The following UTP6 variants were observed in gnomAD, a reference collection of about 807,000 sequenced individuals.
UTP6 encodes U3 small nucleolar RNA-associated protein 6 homolog.
Under a neutral mutation model 96.5 loss-of-function variants are expected in UTP6, and 60 were observed. The observed-to-expected ratio is 0.62, with a 90% CI of 0.51 to 0.77. The LOEUF is 0.77. UTP6 is among the 30% of genes least tolerant of loss of function. The pLI, the probability that UTP6 is intolerant of heterozygous loss-of-function variation, is 0.00. For missense variants in UTP6, 637 were observed against 706.5 expected, an observed-to-expected ratio of 0.90 and a Z score of 1.12; for synonymous variants, 215 against 240.1, an observed-to-expected ratio of 0.90 and a Z score of 0.96.
chr17:31,872,832 C>CAAAATTACAACATGATGAAAT (rs747475389), intron 16 of UTP6, among the ~76,000 whole-genome samples: 2,459 of 151,680 alleles, frequency 0.016, 25 homozygotes, highest in Non-Finnish European at 0.024. Context: ...GAAACCGTCT[C>CAAAATTACAACATGATGAAAT]TACTAAATTA....
rs543378713 is a variant in UTP6 at position 31,890,012 on chromosome 17, C to G, written c.425-609G>C. Among the ~76,000 whole-genome samples, 286 of 152,114 alleles carry G rather than the reference C, an allele frequency of 1.9e-3. 1 individual carries two copies. Among genetic ancestry groups the G allele is most frequent in the African/African-American group, 6.4e-3 (265 of 41,512 alleles). The stretch of plus-strand genomic sequence containing the variant: ...TAAGGACATTATTGTAAGTCACATA[C>G]AATTTTTTTCTTTTTTTGAGACAGG... On this transcript the variant is annotated intron_variant, in intron 6 of 18. Transcript: ENST00000261708.
In UTP6 at chr17:31,880,419, T is replaced by C. The variant is rs1456169365; in HGVS notation, c.967+154A>G. On this transcript the variant is annotated intron_variant, in intron 11 of 18. Transcript: ENST00000261708. Reference sequence around the variant, plus strand: ...CAGGGTGACAGAACAAGACTCTGCCTCCCAATAAAAAAAAAAAAAAAAGGC... The same window carrying C: ...CAGGGTGACAGAACAAGACTCTGCCCCCCAATAAAAAAAAAAAAAAAAGGC... 36 of 872,384 alleles carry C rather than the reference T, an allele frequency of 4.1e-5. No individual in the cohort carries two copies. In the Admixed American group the frequency reaches 4.9e-4, roughly 12 times the overall value. 54.0% of individuals were successfully genotyped at this position (872,384 alleles called of 1,614,324 possible). A position where few individuals can be genotyped will look rare whatever the true frequency, so the allele number is the denominator to read the frequency against.
At chr17:31,878,466 G>T in intron 12 of UTP6, 139 bp from the exon 13 acceptor site, 1 of 884,234 alleles carries the variant, frequency 1.1e-6, no homozygotes, top group Non-Finnish European at 1.8e-6. Context: ...TTTCACTTAT[G>T]AATAGATGCA....
intron 2 of UTP6, among the ~76,000 whole-genome samples, chr17:31,896,353 C>T (rs1264880621): frequency 1.3e-5 from 2 of 152,092 alleles, no homozygotes; most frequent in African/African-American, 4.8e-5. Flanking sequence ...GCTAGGATTA[C>T]AGGCATGAGC....
Position 31,875,256 on chromosome 17 carries a change from G to T in UTP6, c.1283C>A (p.Ala428Asp), listed in dbSNP as rs150542174. 90 of 1,613,892 alleles carry T rather than the reference G, an allele frequency of 5.6e-5. No homozygotes were observed. Among genetic ancestry groups the T allele is most frequent in the Non-Finnish European group, 7.4e-5 (87 of 1,179,994 alleles). Reference sequence around the variant, plus strand: ...GACCTGGGGTTTCAGGTGCACAAAGGCTTCTTCAAAAAGCATGGCTATGTC... The same window carrying T: ...GACCTGGGGTTTCAGGTGCACAAAGTCTTCTTCAAAAAGCATGGCTATGTC... ...SPDIAMLFEE[A>D]FVHLKPQVCL... Residue 428 changes from alanine to aspartate, a missense_variant, in exon 14 of 19, where the codon GCC (alanine) becomes GAC (aspartate). Physicochemically the swap from Ala to Asp is moderately radical, Grantham distance 126 (BLOSUM62 -2). Transcript: ENST00000261708.
chr17:31,894,268 CAA>C (rs1179270340), intron 4 of UTP6, among the ~76,000 whole-genome samples: 15 of 62,982 alleles, frequency 2.4e-4, no homozygotes, highest in Non-Finnish European at 2.3e-4. Flanking sequence ...GACCTTATCT[CAA>C]AAAAAAAAAA....
chr17:31,880,533 C>T (rs750754298), intron 11 of UTP6, 40 bp downstream of exon 11: 2 of 1,608,186 alleles, frequency 1.2e-6, no homozygotes, highest in East Asian at 4.5e-5. Context: ...ATCAGGGATA[C>T]TATTCCTTCT....
At chr17:31,870,173 C>T (rs750627258) in intron 16 of UTP6, among the ~76,000 whole-genome samples, 5 of 151,778 alleles carry the variant, frequency 3.3e-5, no homozygotes, top group Non-Finnish European at 7.4e-5. Flanking sequence ...TATTTGTTTT[C>T]CTTTGGGTAT....
chr17:31,876,650 A>C (rs1910518616), intron 13 of UTP6, among the ~76,000 whole-genome samples: 1 of 151,938 alleles, frequency 6.6e-6, no homozygotes, highest in Admixed American at 6.6e-5. Flanking sequence ...GTCTCAAAAA[A>C]ATAATAAATA....
At position 31,892,283 on chromosome 17, in the gene UTP6, A is replaced by C. The variant is rs781104096; in HGVS notation, c.401T>G (p.Leu134Trp). The C allele has an allele frequency of 3.0e-5, 48 of 1,614,066 alleles. No homozygotes were observed. Among genetic ancestry groups the C allele is most frequent in the Non-Finnish European group, 3.9e-5 (46 of 1,180,050 alleles). The change falls in exon 6 of 19, where the codon TTG becomes TGG. Residue 134 changes from leucine (L) to tryptophan (W), a missense_variant. Transcript: ENST00000261708. ...TRLSKVFSAM[L>W]AIHSNKPALW... is the part of the protein sequence containing the mutation. ...ACCTGGTTTGTTGGAATGAATCGCC[A>C]ACATGGCAGAGAATACCTTGCTAAG...
intron 7 of UTP6, 127 bp from the exon 8 acceptor site, chr17:31,887,440 T>G (rs967368716): frequency 2.1e-5 from 14 of 679,148 alleles, no homozygotes; most frequent in Non-Finnish European, 3.6e-5. Context: ...CATGAATTCC[T>G]GCACTCAAGT....
intron 13 of UTP6, among the ~76,000 whole-genome samples, chr17:31,876,913 G>A (rs1910531995): frequency 2.0e-5 from 3 of 152,184 alleles, no homozygotes; most frequent in Admixed American, 6.6e-5. Flanking sequence ...TCGGGAGGAT[G>A]AGTTGGGAGA....
rs141396351 is a variant in UTP6 at position 31,895,271 on chromosome 17, C to T, written c.178-260G>A. Reference sequence around the variant, plus strand: ...AAATATTTCAAGCATATAAAACACCCCATGCAGCTACAATGCAGCTACACC... The same window carrying T: ...AAATATTTCAAGCATATAAAACACCTCATGCAGCTACAATGCAGCTACACC... On this transcript the variant is annotated intron_variant, in intron 2 of 18. Transcript: ENST00000261708. Among the ~76,000 whole-genome samples, 354 of 152,296 alleles carry T rather than the reference C, an allele frequency of 2.3e-3. 1 individual carries two copies. Among genetic ancestry groups the T allele is most frequent in the African/African-American group, 8.0e-3 (332 of 41,566 alleles).
chr17:31,892,620 TCCG>T, intron 5 of UTP6, 124 bp downstream of exon 5: 1 of 1,068,100 alleles, frequency 9.4e-7, no homozygotes, highest in Non-Finnish European at 1.4e-6. Flanking sequence ...ATATTGATGT[TCCG>T]CCTTCTTGGG....
intron 13 of UTP6, among the ~76,000 whole-genome samples, chr17:31,876,102 T>G (rs1393854403): frequency 1.3e-5 from 2 of 151,752 alleles, no homozygotes; most frequent in South Asian, 2.1e-4. Context: ...GGCGCAATGA[T>G]CTCGGCTCAC....
intron 6 of UTP6, among the ~76,000 whole-genome samples, chr17:31,889,629 T>C (rs1911362986): frequency 1.3e-5 from 2 of 151,682 alleles, no homozygotes; most frequent in Admixed American, 1.3e-4. Context: ...CCCGAGTAGC[T>C]GGTACTACAG....
At chr17:31,895,098 A>T in intron 2 of UTP6, 87 bp from the exon 3 acceptor site, 1 of 966,228 alleles carries the variant, frequency 1.0e-6, no homozygotes, top group Non-Finnish European at 1.5e-6. Context: ...GTCATAAAAC[A>T]AAAATCGAGA....
chr17:31,867,768 C>G (rs1909909682), intron 17 of UTP6, among the ~76,000 whole-genome samples: 1 of 151,962 alleles, frequency 6.6e-6, no homozygotes. Flanking sequence ...CCATCCTGGC[C>G]AACATGGTAA....
rs1909927196 is a variant in UTP6 at position 31,868,062 on chromosome 17, T to G, written c.1547A>C (p.Gln516Pro). The G allele has an allele frequency of 1.9e-6, 3 of 1,613,364 alleles. No homozygotes were observed. Among genetic ancestry groups the G allele is most frequent in the East Asian group, 2.2e-5 (1 of 44,836 alleles). ...AACACTTACTTGCTCCTTTTCAAAC[T>G]GAATCATTTTCCTGAAAAAGTCAAC... Reference protein sequence around the residue: ...FSVDFFRKMIQFEKEQESCNM... With the variant: ...FSVDFFRKMIPFEKEQESCNM... Residue 516 changes from glutamine to proline, a missense_variant, in exon 17 of 19, where the codon CAG (glutamine) becomes CCG (proline). By Grantham distance (76) the Gln-to-Pro change is moderately conservative (BLOSUM62 -1). Coordinates refer to ENST00000261708, the MANE Select transcript of UTP6 (RefSeq NM_018428.3).
Sources: allele counts gnomAD v4.1 joint callset (sites outside exome capture counted in the v4.1 genomes callset), GRCh38; gene constraint gnomAD v4.1.1; transcripts MANE v1.5; gene names NCBI Gene and HGNC (gene_info 2026-07-23, HGNC 2026-07-21).